The following POLN variants were observed in gnomAD, a reference collection of about 807,000 sequenced individuals.
POLN encodes the protein DNA polymerase nu.
POLN carries 108 observed loss-of-function variants against 113.5 expected under a neutral mutation model. That is an observed-to-expected ratio of 0.95 (90% CI 0.81 to 1.12). The LOEUF is 1.12. POLN is among the 50% of genes most tolerant of loss of function. The probability of loss-of-function intolerance (pLI) is 0.00; values close to 1 mark genes in which losing one functional copy is unlikely to be tolerated. For missense variants in POLN, 1,097 were observed against 1,077.1 expected, an observed-to-expected ratio of 1.02 and a Z score of -0.26; for synonymous variants, 386 against 391.5, an observed-to-expected ratio of 0.99 and a Z score of 0.17.
At chr4:2,199,595 G>C (rs1650698345) in intron 5 of POLN, among the ~76,000 whole-genome samples, 1 of 151,968 alleles carries the variant, frequency 6.6e-6, no homozygotes, top group African/African-American at 2.4e-5. Flanking sequence ...ATTTTTTTTA[G>C]ACATGGAGTC....
chr4:2,167,221 G>A (rs966979021), intron 13 of POLN, among the ~76,000 whole-genome samples: 43 of 152,250 alleles, frequency 2.8e-4, no homozygotes, highest in Admixed American at 1.6e-3. Context: ...TCAAGGGGTC[G>A]CAGAAGCAAC....
intron 5 of POLN, among the ~76,000 whole-genome samples, chr4:2,205,100 CAAAA>C (rs1733811681): frequency 6.6e-6 from 1 of 151,980 alleles, no homozygotes; most frequent in South Asian, 2.1e-4. Context: ...AGCAATCAGA[CAAAA>C]GAAAGAAATA....
intron 20 of POLN, among the ~76,000 whole-genome samples, chr4:2,087,028 G>A (rs959209648): frequency 2.0e-5 from 3 of 152,214 alleles, no homozygotes; most frequent in African/African-American, 7.2e-5. Context: ...TGGACAGAGA[G>A]AATATTCAAG....
chr4:2,146,876 G>C (rs1317467405), intron 16 of POLN, among the ~76,000 whole-genome samples: 2 of 152,070 alleles, frequency 1.3e-5, no homozygotes, highest in African/African-American at 4.8e-5. Flanking sequence ...ACCACCATAG[G>C]ACAAAATGTT....
chr4:2,156,318 A>G (rs1013299458), intron 16 of POLN: 1 of 384,598 alleles, frequency 2.6e-6, no homozygotes, highest in Non-Finnish European at 5.1e-6. Flanking sequence ...GCCATTTAGA[A>G]AGTTAAGTGC....
intron 13 of POLN, among the ~76,000 whole-genome samples, chr4:2,164,918 G>A (rs1043155854): frequency 3.4e-5 from 5 of 148,366 alleles, no homozygotes; most frequent in African/African-American, 5.0e-5. Flanking sequence ...CCAAGTGCTG[G>A]CAAGGATGTG....
intron 3 of POLN, among the ~76,000 whole-genome samples, chr4:2,224,328 C>G (rs920320105): frequency 3.3e-5 from 5 of 152,130 alleles, no homozygotes; most frequent in African/African-American, 1.2e-4. Context: ...GATAAGAGTA[C>G]CTTCTTCTGG....
intron 23 of POLN, chr4:2,080,318 AG>A: frequency 1.0e-6 from 1 of 1,000,680 alleles, no homozygotes; most frequent in South Asian, 4.2e-5. Context: ...TAACTGAGGC[AG>A]GGACAGAGGC....
chr4:2,161,530 C>T (rs1317904033), intron 13 of POLN, among the ~76,000 whole-genome samples: 1 of 152,230 alleles, frequency 6.6e-6, no homozygotes, highest in Non-Finnish European at 1.5e-5. Flanking sequence ...ACCTGCAACC[C>T]GCCATGCCTT....
chr4:2,202,651 G>A (rs1300121893), intron 5 of POLN, among the ~76,000 whole-genome samples: 1 of 148,192 alleles, frequency 6.7e-6, no homozygotes, highest in African/African-American at 2.5e-5. Context: ...TTGAACCTGG[G>A]AGGCAGAGGT....
chr4:2,074,784 G>A (rs1369778529), intron 24 of POLN, among the ~76,000 whole-genome samples: 1 of 152,174 alleles, frequency 6.6e-6, no homozygotes, highest in Non-Finnish European at 1.5e-5. Flanking sequence ...AGAACTGGGG[G>A]CACAGGTCCA....
intron 16 of POLN, among the ~76,000 whole-genome samples, chr4:2,132,110 T>C (rs1731742214): frequency 6.6e-6 from 1 of 152,238 alleles, no homozygotes; most frequent in Admixed American, 6.5e-5. Flanking sequence ...ATTGTCATCC[T>C]CATTTTTTTA....
intron 19 of POLN, among the ~76,000 whole-genome samples, chr4:2,097,598 T>C (rs1038839181): frequency 6.6e-6 from 1 of 151,542 alleles, no homozygotes; most frequent in Admixed American, 6.6e-5. Context: ...TCAGCCCGCC[T>C]TGGCCTCCCA....
At chr4:2,150,190 A>C (rs1413560520) in intron 16 of POLN, among the ~76,000 whole-genome samples, 3 of 152,140 alleles carry the variant, frequency 2.0e-5, no homozygotes, top group Non-Finnish European at 4.4e-5. Flanking sequence ...AGAATAGAAA[A>C]TACCATGCTA....
intron 19 of POLN, among the ~76,000 whole-genome samples, chr4:2,097,505 C>T (rs1410445057): frequency 6.6e-6 from 1 of 152,170 alleles, no homozygotes; most frequent in African/African-American, 2.4e-5. Flanking sequence ...CACCTGCCAC[C>T]ATGCCCAGCT....
intron 19 of POLN, among the ~76,000 whole-genome samples, chr4:2,117,106 T>C (rs35710382): frequency 8.5e-4 from 129 of 152,328 alleles, no homozygotes; most frequent in African/African-American, 3.0e-3. Flanking sequence ...ATGTCATTGC[T>C]TTCTGTGATT....
At chr4:2,224,788 T>G (rs1450265165) in intron 3 of POLN, among the ~76,000 whole-genome samples, 4 of 151,970 alleles carry the variant, frequency 2.6e-5, no homozygotes, top group Non-Finnish European at 5.9e-5. Flanking sequence ...CTGCCTCCAC[T>G]AAAAATACAA....
intron 13 of POLN, among the ~76,000 whole-genome samples, chr4:2,169,467 A>G (rs1481095991): frequency 6.6e-6 from 1 of 152,148 alleles, no homozygotes; most frequent in Non-Finnish European, 1.5e-5. Flanking sequence ...AGGAAAGTCA[A>G]GGACGACTCA....
chr4:2,125,722 C>T (rs186157311), intron 19 of POLN, among the ~76,000 whole-genome samples: 2 of 152,222 alleles, frequency 1.3e-5, no homozygotes, highest in East Asian at 3.9e-4. Context: ...ATGTGTGTCC[C>T]GGGATCCATC....
Sources: allele counts gnomAD v4.1 joint callset (sites outside exome capture counted in the v4.1 genomes callset), GRCh38; gene constraint gnomAD v4.1.1; transcripts MANE v1.5; gene names NCBI Gene and HGNC (gene_info 2026-07-23, HGNC 2026-07-21).